The following TANC1 variants were observed in gnomAD, a reference collection of about 807,000 sequenced individuals.
The protein encoded by TANC1 is protein TANC1.
Under a neutral mutation model 149.7 loss-of-function variants are expected in TANC1, and 77 were observed. The ratio of observed to expected loss-of-function variants is 0.51; its 90% CI spans 0.43 to 0.62. The LOEUF (loss-of-function observed/expected upper bound fraction) is 0.62, where lower values mean the gene tolerates loss of function less well. TANC1 is among the 20% of genes least tolerant of loss of function. The pLI is 0.00. For synonymous variants in TANC1, 854 were observed against 925.0 expected (o/e 0.92, Z 1.39); for missense variants, 1,985 against 2,321.8 (o/e 0.85, Z 2.98).
intron 25 of TANC1, chr2:159,228,541 G>A (rs955670486): frequency 8.7e-6 from 4 of 462,058 alleles, no homozygotes; most frequent in Non-Finnish European, 1.2e-5. Context: ...CCTCCACCGG[G>A]CTGTGAGGTT....
chr2:159,203,199 CTTTTCTTTTCTTTTT>C (rs972524217), intron 19 of TANC1, among the ~76,000 whole-genome samples: 4 of 111,612 alleles, frequency 3.6e-5, no homozygotes, highest in Admixed American at 8.6e-5. Flanking sequence ...ATTCGATAGG[CTTTTCTTTTCTTTTT>C]TTTTTTTTTT....
intron 7 of TANC1, among the ~76,000 whole-genome samples, chr2:159,152,463 ATTTTTTT>A (rs55894080): frequency 1.9e-4 from 22 of 118,138 alleles, no homozygotes; most frequent in Admixed American, 1.4e-3. Context: ...TTATAACCAA[ATTTTTTT>A]TTTTTTTTTT....
At chr2:159,016,036 C>A (rs1488320853) in intron 2 of TANC1, among the ~76,000 whole-genome samples, 1 of 152,166 alleles carries the variant, frequency 6.6e-6, no homozygotes, top group Admixed American at 6.5e-5. Flanking sequence ...CAGTAGCACC[C>A]CACTCCTGGT....
At chr2:159,154,100 A>C (rs2053165679) in intron 7 of TANC1, among the ~76,000 whole-genome samples, 1 of 152,162 alleles carries the variant, frequency 6.6e-6, no homozygotes, top group Non-Finnish European at 1.5e-5. Context: ...TGGGTTTGGA[A>C]TGGCAGAGGC....
chr2:159,228,034 G>A (rs1304590749), intron 25 of TANC1, 69 bp downstream of exon 25: 17 of 1,539,186 alleles, frequency 1.1e-5, no homozygotes, highest in East Asian at 6.8e-5. Flanking sequence ...GTGAAGGCCA[G>A]CCCTTCTCCA....
chr2:159,119,049 T>C (rs1453969211), intron 4 of TANC1, among the ~76,000 whole-genome samples: 1 of 152,228 alleles, frequency 6.6e-6, no homozygotes, highest in African/African-American at 2.4e-5. Context: ...TCAAAATTGT[T>C]CAATAGCTGA....
rs2043549955 is a variant in TANC1 at position 159,075,315 on chromosome 2, C to T, written c.61+9344C>T. 2.0e-5 allele frequency among the ~76,000 whole-genome samples: 3 copies of T among 152,080 alleles called. No homozygotes were observed. In the South Asian group the frequency reaches 6.3e-4, roughly 32 times the overall value. ...GGGCCCAGTGGTTCATGCCTGTAATCCCAACACTTTGGGAGGCTGAGGCGG... is the reference window on the plus strand; with the variant it reads ...GGGCCCAGTGGTTCATGCCTGTAATTCCAACACTTTGGGAGGCTGAGGCGG... On this transcript the variant is annotated intron_variant, in intron 3 of 26. Coordinates refer to ENST00000263635, the MANE Select transcript of TANC1 (RefSeq NM_033394.3).
At chr2:159,151,414 G>C (rs900361040) in intron 7 of TANC1, among the ~76,000 whole-genome samples, 3 of 152,230 alleles carry the variant, frequency 2.0e-5, no homozygotes, top group African/African-American at 7.2e-5. Context: ...ACCTTCCTCT[G>C]TTCCAAGATT....
intron 4 of TANC1, among the ~76,000 whole-genome samples, chr2:159,101,282 T>C (rs1437605880): frequency 6.6e-6 from 1 of 152,216 alleles, no homozygotes; most frequent in African/African-American, 2.4e-5. Context: ...AAGGATCAAA[T>C]ACTACAAACC....
At chr2:159,121,185 T>G (rs889474635) in intron 4 of TANC1, among the ~76,000 whole-genome samples, 2 of 152,242 alleles carry the variant, frequency 1.3e-5, no homozygotes, top group African/African-American at 4.8e-5. Flanking sequence ...TTCTCCCAGC[T>G]GGCTCATCTT....
At position 159,178,621 on chromosome 2, in the gene TANC1, C is replaced by A; in HGVS notation, c.1968C>A (p.Ile656=). ...SLDDFPDNKD[I]HSDLHAYVQH... is the part of the protein sequence containing the mutation. ...ATGACTTCCCAGACAACAAAGACATCCACAGTGACCTGCACGCCTACGTCC... is the reference window on the plus strand; with the variant it reads ...ATGACTTCCCAGACAACAAAGACATACACAGTGACCTGCACGCCTACGTCC... The change falls in exon 14 of 27, where the codon ATC becomes ATA. Residue 656 remains isoleucine (I), a synonymous_variant. Transcript: ENST00000263635. 6.2e-7 allele frequency: 1 copy of A among 1,613,020 alleles called. No homozygotes were observed. The highest frequency in any genetic ancestry group is 8.5e-7 in the Non-Finnish European group (1 of 1,179,546).
intron 14 of TANC1, among the ~76,000 whole-genome samples, chr2:159,185,051 A>G (rs2056846546): frequency 6.6e-6 from 1 of 152,208 alleles, no homozygotes; most frequent in South Asian, 2.1e-4. Flanking sequence ...TCCTCCCTCC[A>G]CAACTACCTG....
chr2:159,219,811 G>C lies in TANC1; in HGVS notation c.3622G>C (p.Asp1208His). The C allele has an allele frequency of 1.2e-6, 2 of 1,614,004 alleles. No homozygotes were observed. Among genetic ancestry groups the C allele is most frequent in the Non-Finnish European group, 1.7e-6 (2 of 1,180,050 alleles). ...AGAAGGAGCTGCAATAGACCAGACA[G>C]ACAAGAATGGCCGCACACCCTTGGA... is the stretch of plus-strand genomic sequence containing the variant. Reference protein sequence around the residue: ...VEEGAAIDQTDKNGRTPLDLA... With the variant: ...VEEGAAIDQTHKNGRTPLDLA... The change falls in exon 22 of 27, where the codon GAC becomes CAC. Residue 1208 changes from aspartate to histidine, a missense_variant. Physicochemically the swap from Asp to His is moderately conservative, Grantham distance 81 (BLOSUM62 -1). This residue lies in a region of TANC1 where 920 missense variants were observed against 994.7 expected (regional missense o/e 0.92). Transcript: ENST00000263635.
chr2:159,221,598 G>A (rs571540695), intron 22 of TANC1, among the ~76,000 whole-genome samples: 74 of 152,140 alleles, frequency 4.9e-4, no homozygotes, highest in Middle Eastern at 6.8e-3. Context: ...CTGTCTTTCC[G>A]TGCCTGGCTT....
chr2:159,218,760 A>G lies in TANC1; in HGVS notation c.3379-478A>G, dbSNP rs148851441. Reference sequence around the variant, plus strand: ...TCCCCGAAGGGCATGCCATCCGCCAATGCTGCATCTTAGGAAAGCCCATGG... The same window carrying G: ...TCCCCGAAGGGCATGCCATCCGCCAGTGCTGCATCTTAGGAAAGCCCATGG... On this transcript the variant is annotated intron_variant, in intron 20 of 26. Coordinates refer to ENST00000263635, the MANE Select transcript of TANC1 (RefSeq NM_033394.3). Among the ~76,000 whole-genome samples the G allele has an allele frequency of 2.8e-3, 429 of 152,336 alleles. 2 individuals are homozygous for G. Among genetic ancestry groups the G allele is most frequent in the Non-Finnish European group, 4.6e-3 (316 of 68,024 alleles).
chr2:159,025,584 A>G (rs1559145075), intron 2 of TANC1, among the ~76,000 whole-genome samples: 1 of 152,204 alleles, frequency 6.6e-6, no homozygotes, highest in Non-Finnish European at 1.5e-5. Context: ...GTCAATACCT[A>G]GTCCATACAT....
At chr2:159,163,231 C>T in intron 7 of TANC1, 52 bp from the exon 8 acceptor site, 1 of 1,567,934 alleles carries the variant, frequency 6.4e-7, no homozygotes, top group Non-Finnish European at 8.7e-7. Context: ...TTTAATTCTT[C>T]AGCCCCAGCT....
Position 159,229,645 on chromosome 2 carries a change from A to G in TANC1, c.4219A>G (p.Lys1407Glu), listed in dbSNP as rs2060230115. 6.2e-7 allele frequency: 1 copy of G among 1,614,082 alleles called. No homozygotes were observed. Among genetic ancestry groups the G allele is most frequent in the Non-Finnish European group, 8.5e-7 (1 of 1,180,034 alleles). The change falls in exon 27 of 27, where the codon AAG (lysine) becomes GAG (glutamate). Residue 1407 changes from lysine (K) to glutamate (E), a missense_variant. By Grantham distance (56) the Lys-to-Glu change is moderately conservative (BLOSUM62 1). Transcript: ENST00000263635. Reference sequence around the variant, plus strand: ...ACTCTGTCCCACCAATCAGGAAGTCAAGAGGCTTCTGGCCCGCGTAGAAGA... The same window carrying G: ...ACTCTGTCCCACCAATCAGGAAGTCGAGAGGCTTCTGGCCCGCGTAGAAGA... ...VKLCPTNQEV[K>E]RLLARVEEEC...
At chr2:158,974,550 G>A (rs1326347612) in intron 1 of TANC1, among the ~76,000 whole-genome samples, 6 of 151,600 alleles carry the variant, frequency 4.0e-5, no homozygotes, top group African/African-American at 1.5e-4. Context: ...CTCCTGCCTC[G>A]GCCTCCCGAG....
Sources: allele counts gnomAD v4.1 joint callset (sites outside exome capture counted in the v4.1 genomes callset), GRCh38; gene constraint gnomAD v4.1.1; regional missense constraint gnomAD v4.1.1; transcripts MANE v1.5; gene names NCBI Gene and HGNC (gene_info 2026-07-23, HGNC 2026-07-21).